The following PALM2AKAP2 variants were observed in gnomAD, a reference collection of about 807,000 sequenced individuals.
PALM2AKAP2 encodes the protein PALM2-AKAP2 fusion protein.
PALM2AKAP2 carries 37 observed loss-of-function variants against 71.5 expected under a neutral mutation model. That is an observed-to-expected ratio of 0.52 (90% CI 0.40 to 0.68). The LOEUF (loss-of-function observed/expected upper bound fraction) is 0.68, where lower values mean the gene tolerates loss of function less well. Ranked by LOEUF, PALM2AKAP2 falls within the 30% of genes least tolerant of loss-of-function variation. The pLI, the probability that PALM2AKAP2 is intolerant of heterozygous loss-of-function variation, is 0.00. For missense variants in PALM2AKAP2, 1,224 were observed against 1,191.8 expected, an observed-to-expected ratio of 1.03 and a Z score of -0.40; for synonymous variants, 468 against 478.8, an observed-to-expected ratio of 0.98 and a Z score of 0.29.
At chr9:109,676,382 G>A (rs74628186) in intron 1 of PALM2AKAP2, among the ~76,000 whole-genome samples, 3,011 of 152,256 alleles carry the variant, frequency 0.02, 49 homozygotes, top group Non-Finnish European at 0.024. Flanking sequence ...GTAGATGGAG[G>A]CACCTTAATG....
At chr9:109,795,710 A>G (rs891775018) in intron 1 of PALM2AKAP2, among the ~76,000 whole-genome samples, 2 of 152,214 alleles carry the variant, frequency 1.3e-5, no homozygotes, top group African/African-American at 4.8e-5. Context: ...TTCTTACCTA[A>G]CATTTCTGCG....
intron 1 of PALM2AKAP2, among the ~76,000 whole-genome samples, chr9:109,772,261 T>C (rs1277619724): frequency 6.6e-6 from 1 of 152,196 alleles, no homozygotes; most frequent in Non-Finnish European, 1.5e-5. Context: ...AGTGGCTACC[T>C]TCCATGTGCT....
intron 1 of PALM2AKAP2, among the ~76,000 whole-genome samples, chr9:110,086,353 A>G (rs1257150435): frequency 1.3e-5 from 2 of 152,216 alleles, no homozygotes; most frequent in East Asian, 1.9e-4. Flanking sequence ...GCTTAATACT[A>G]TGATTATTAA....
At chr9:109,642,249 C>T (rs1642067849) in intron 1 of PALM2AKAP2, among the ~76,000 whole-genome samples, 2 of 151,800 alleles carry the variant, frequency 1.3e-5, no homozygotes, top group Admixed American at 1.3e-4. Flanking sequence ...GTTAATCTCC[C>T]TGGGCCTCAT....
intron 1 of PALM2AKAP2, among the ~76,000 whole-genome samples, chr9:109,647,551 T>A (rs1447078553): frequency 3.3e-5 from 5 of 152,202 alleles, no homozygotes; most frequent in African/African-American, 1.2e-4. Context: ...TCCCTTTACA[T>A]TGCCATTCAT....
intron 6 of PALM2AKAP2, among the ~76,000 whole-genome samples, chr9:109,997,619 C>T (rs1832598094): frequency 6.6e-6 from 1 of 152,142 alleles, no homozygotes; most frequent in Non-Finnish European, 1.5e-5. Context: ...ATGGTGAGTT[C>T]GAGAAAAATA....
intron 1 of PALM2AKAP2, among the ~76,000 whole-genome samples, chr9:109,662,428 G>A (rs1827413458): frequency 6.6e-6 from 1 of 152,162 alleles, no homozygotes. Context: ...AGATAATCAT[G>A]TGGTTTTTGT....
intron 1 of PALM2AKAP2, among the ~76,000 whole-genome samples, chr9:109,834,320 G>T (rs1272831193): frequency 6.6e-6 from 1 of 152,152 alleles, no homozygotes; most frequent in Non-Finnish European, 1.5e-5. Flanking sequence ...GGGAAAGAAG[G>T]GCCATTTTGT....
At chr9:110,000,810 C>T (rs371257959) in intron 6 of PALM2AKAP2, among the ~76,000 whole-genome samples, 3 of 152,080 alleles carry the variant, frequency 2.0e-5, no homozygotes, top group African/African-American at 4.8e-5. Flanking sequence ...ATAAATGTCT[C>T]CTTTTGAGAA....
chr9:110,099,208 T>A (rs530532221), intron 1 of PALM2AKAP2, among the ~76,000 whole-genome samples: 10 of 152,356 alleles, frequency 6.6e-5, no homozygotes, highest in Admixed American at 2.6e-4. Flanking sequence ...AGAAATGTAA[T>A]GCTGTTTTTC....
chr9:109,856,950 G>A (rs879699291), intron 1 of PALM2AKAP2, among the ~76,000 whole-genome samples: 5 of 152,106 alleles, frequency 3.3e-5, no homozygotes, highest in Middle Eastern at 3.2e-3. Context: ...TTCCAACCAC[G>A]ACAGCTATGT....
intron 1 of PALM2AKAP2, among the ~76,000 whole-genome samples, chr9:109,860,362 AG>A (rs1249747174): frequency 1.3e-5 from 2 of 152,204 alleles, no homozygotes; most frequent in African/African-American, 2.4e-5. Context: ...TAATAGAAAA[AG>A]CTTGTTGGGT....
intron 1 of PALM2AKAP2, among the ~76,000 whole-genome samples, chr9:109,832,895 G>T (rs12376780): frequency 6.6e-6 from 1 of 152,068 alleles, no homozygotes; most frequent in African/African-American, 2.4e-5. Context: ...GCACTAACTC[G>T]TGTGCCAATG....
chr9:109,809,155 T>A (rs1186329159), intron 1 of PALM2AKAP2, among the ~76,000 whole-genome samples: 1 of 152,216 alleles, frequency 6.6e-6, no homozygotes, highest in East Asian at 1.9e-4. Context: ...CTAGTGGAGC[T>A]GTGAGAAGAA....
At chr9:109,774,199 A>G (rs973818691) in intron 1 of PALM2AKAP2, among the ~76,000 whole-genome samples, 4 of 152,234 alleles carry the variant, frequency 2.6e-5, no homozygotes, top group African/African-American at 9.6e-5. Flanking sequence ...TCATTGTGCT[A>G]AGGTAAACCA....
intron 1 of PALM2AKAP2, among the ~76,000 whole-genome samples, chr9:110,102,327 A>G (rs1223078414): frequency 1.3e-5 from 2 of 152,188 alleles, no homozygotes; most frequent in African/African-American, 2.4e-5. Context: ...GAGCTGTTAG[A>G]TGTAATGTGT....
intron 1 of PALM2AKAP2, among the ~76,000 whole-genome samples, chr9:109,844,879 C>T (rs1828806887): frequency 6.6e-6 from 1 of 151,962 alleles, no homozygotes; most frequent in Non-Finnish European, 1.5e-5. Flanking sequence ...GCTGTAGAAC[C>T]CCTGGGTCAC....
At chr9:109,801,071 C>T (rs950180958) in intron 1 of PALM2AKAP2, among the ~76,000 whole-genome samples, 1 of 152,110 alleles carries the variant, frequency 6.6e-6, no homozygotes, top group Non-Finnish European at 1.5e-5. Context: ...GGTGGGAAGG[C>T]TAAAGAAGCA....
chr9:110,042,629 A>G (rs1162497851), intron 7 of PALM2AKAP2, among the ~76,000 whole-genome samples: 1 of 152,202 alleles, frequency 6.6e-6, no homozygotes, highest in African/African-American at 2.4e-5. Flanking sequence ...TAAATATCCC[A>G]TGTCCTCCTG....
Sources: gnomAD v4.1 joint callset for allele counts (sites outside exome capture counted in the v4.1 genomes callset) on GRCh38, gnomAD v4.1.1 for gene constraint, MANE v1.5 for transcripts, NCBI Gene and HGNC (gene_info 2026-07-23, HGNC 2026-07-21) for gene names.